Variants in FAM76B observed in about 807,000 individuals in gnomAD.
The protein encoded by FAM76B is protein FAM76B.
FAM76B carries 16 observed loss-of-function variants against 51.8 expected under a neutral mutation model. The ratio of observed to expected loss-of-function variants is 0.31; its 90% CI spans 0.21 to 0.47. The LOEUF is 0.47. FAM76B is among the 20% of genes least tolerant of loss of function. FAM76B has a pLI of 1.00. For synonymous variants in FAM76B, 166 were observed against 129.5 expected, an observed-to-expected ratio of 1.28 and a Z score of -1.91; for missense variants, 342 against 392.6, an observed-to-expected ratio of 0.87 and a Z score of 1.09.
Position 95,788,461 on chromosome 11 carries a change from C to A in FAM76B, c.152+38G>T, listed in dbSNP as rs1337549281. On this transcript the variant is annotated intron_variant, in intron 2 of 9. Transcript: ENST00000358780. ...CCCCAAGTATTCCATAAAGACAACA[C>A]TTGTCTTTAACAGTCAAAAACTATT... The A allele has an allele frequency of 6.2e-6, 9 of 1,452,388 alleles. No individual in the cohort carries two copies. The African/African-American group carries it at 1.1e-4, about 18-fold the overall frequency. The allele number at this position is 1,452,388 out of a possible 1,614,324, so 90.0% of individuals were successfully genotyped here.
rs1263199471 is a variant in FAM76B at position 95,772,309 on chromosome 11, T to G, written c.931-659A>C. On this transcript the variant is annotated intron_variant, in intron 9 of 9. Transcript: ENST00000358780. ...TTCCACATCATCATTTCCTATCTCA[T>G]GAAAGCTTGAATTTTTACAAAGATT... Among the ~76,000 whole-genome samples, 5 of 151,284 alleles carry G rather than the reference T, an allele frequency of 3.3e-5. No homozygotes were observed. In the South Asian group the frequency reaches 1.0e-3, roughly 31 times the overall value.
chr11:95,777,613 T>C (rs1226781287), intron 8 of FAM76B, among the ~76,000 whole-genome samples: 1 of 151,338 alleles, frequency 6.6e-6, no homozygotes, highest in Non-Finnish European at 1.5e-5. Context: ...AAAAGAACCA[T>C]AAGACAAAGA....
chr11:95,787,812 C>A, intron 2 of FAM76B, 134 bp from the exon 3 acceptor site: 1 of 693,406 alleles, frequency 1.4e-6, no homozygotes, highest in African/African-American at 1.8e-5. Context: ...TTCAAATATA[C>A]AAGGATATTT....
chr11:95,783,996 A>G (rs980251457), intron 4 of FAM76B, among the ~76,000 whole-genome samples: 1 of 152,202 alleles, frequency 6.6e-6, no homozygotes, highest in African/African-American at 2.4e-5. Flanking sequence ...CCTAGGCTCA[A>G]GAAGGTTGTA....
chr11:95,782,882 A>G (rs187655532), intron 5 of FAM76B, among the ~76,000 whole-genome samples, 183 bp downstream of exon 5: 66 of 152,326 alleles, frequency 4.3e-4, no homozygotes, highest in Admixed American at 7.8e-4. Flanking sequence ...AGCTCAACAT[A>G]TTTCATGTAT....
At position 95,788,501 on chromosome 11, in the gene FAM76B, C is replaced by A; in HGVS notation, c.150G>T (p.Glu50Asp). 2 of 1,611,436 alleles carry A rather than the reference C, an allele frequency of 1.2e-6. No homozygotes were observed. The highest frequency in any genetic ancestry group is 1.7e-6 in the Non-Finnish European group (2 of 1,178,160). The change falls in exon 2 of 10, where the codon GAG (glutamate) becomes GAT (aspartate). Residue 50 changes from glutamate (E) to aspartate (D), a missense_variant and splice_region_variant. By Grantham distance (45) the Glu-to-Asp change is conservative (BLOSUM62 2). This residue lies in a region of FAM76B where 96 missense variants were observed against 94.7 expected (regional missense o/e 1.01). Transcript: ENST00000358780. ...CAAAAACTATTCAGTATACAAACCT[C>A]TCTTGTTGAAATTCTGATCTGCAGT... The part of the protein sequence containing the change: ...CTYCRSEFQQ[E>D]SKTNTICKKC...
At chr11:95,772,643 C>A (rs983487467) in intron 9 of FAM76B, among the ~76,000 whole-genome samples, 2 of 151,152 alleles carry the variant, frequency 1.3e-5, no homozygotes, top group African/African-American at 4.8e-5. Flanking sequence ...TTTTCCTTCA[C>A]AGGTTCCAGG....
chr11:95,784,352 T>C (rs1396089959), intron 4 of FAM76B, among the ~76,000 whole-genome samples: 2 of 152,152 alleles, frequency 1.3e-5, no homozygotes, highest in East Asian at 1.9e-4. Context: ...GGTTAATACC[T>C]GGGTGATGAA....
intron 4 of FAM76B, among the ~76,000 whole-genome samples, chr11:95,785,794 T>C (rs1860538509): frequency 6.6e-6 from 1 of 152,222 alleles, no homozygotes. Context: ...TCAGGTATTT[T>C]TTTCACACCA....
chr11:95,783,400 A>AT (rs1860383293), intron 4 of FAM76B, 136 bp from the exon 5 acceptor site: 2 of 638,210 alleles, frequency 3.1e-6, no homozygotes, highest in Non-Finnish European at 5.2e-6. Flanking sequence ...ATATTCACGG[A>AT]TTTTCTGCAA....
intron 3 of FAM76B, among the ~76,000 whole-genome samples, chr11:95,787,130 G>T: frequency 6.6e-6 from 1 of 152,118 alleles, no homozygotes; most frequent in South Asian, 2.1e-4. Context: ...ATGTAAAACA[G>T]GTATATAATT....
At chr11:95,773,018 G>C (rs1459340428) in intron 9 of FAM76B, among the ~76,000 whole-genome samples, 1 of 150,474 alleles carries the variant, frequency 6.6e-6, no homozygotes, top group Non-Finnish European at 1.5e-5. Flanking sequence ...CAAATTTTGA[G>C]TCTGCAAATT....
chr11:95,771,762 G>T, intron 9 of FAM76B, 112 bp from the exon 10 acceptor site: 1 of 777,588 alleles, frequency 1.3e-6, no homozygotes. Context: ...TTTCACTAAA[G>T]CACTAACATT....
At chr11:95,776,594 C>A (rs979325986) in intron 8 of FAM76B, among the ~76,000 whole-genome samples, 53 of 151,232 alleles carry the variant, frequency 3.5e-4, no homozygotes, top group African/African-American at 1.3e-3. Context: ...ATACAACTAA[C>A]ACAGAATGAG....
chr11:95,789,215 G>A, intron 1 of FAM76B, 177 bp downstream of exon 1: 2 of 955,732 alleles, frequency 2.1e-6, no homozygotes, highest in Non-Finnish European at 3.0e-6. Flanking sequence ...TTCAGGGTCC[G>A]TTCCCAGCTA....
intron 5 of FAM76B, among the ~76,000 whole-genome samples, chr11:95,781,514 A>C (rs1407249584): frequency 6.6e-6 from 1 of 152,138 alleles, no homozygotes; most frequent in African/African-American, 2.4e-5. Flanking sequence ...TCAAAAAATT[A>C]AGTTGCTGTC....
rs1005489020 is a variant in FAM76B at position 95,783,256 on chromosome 11, T to C, written c.372A>G (p.Gly124=). The change falls in exon 5 of 10, where the codon GGA becomes GGG. Residue 124 remains glycine, a synonymous_variant. Coordinates refer to ENST00000358780, the MANE Select transcript of FAM76B (RefSeq NM_144664.5). ...RKEEGRRKVD[G]KLLCWLCTLS... ...AAGTACAGAGCCAGCATAATAACTTTCCATCAACCTTTTAAGAAAATGTGT... is the reference window on the plus strand; with the variant it reads ...AAGTACAGAGCCAGCATAATAACTTCCCATCAACCTTTTAAGAAAATGTGT... 1 of 1,611,138 alleles carries C rather than the reference T, an allele frequency of 6.2e-7. No homozygotes were observed. The highest frequency in any genetic ancestry group is 8.5e-7 in the Non-Finnish European group (1 of 1,179,172).
At position 95,789,575 on chromosome 11, in the gene FAM76B, T is replaced by A. The variant is rs988914604; in HGVS notation, c.-97A>T. ...CGCCGCCCGGGCCGCGGGCTCCTCCTCCTCCCCCTCCCCCTGCCTCGCGCC... is the reference window on the plus strand; with the variant it reads ...CGCCGCCCGGGCCGCGGGCTCCTCCACCTCCCCCTCCCCCTGCCTCGCGCC... On this transcript the variant is annotated 5_prime_UTR_variant, in exon 1 of 10. Transcript: ENST00000358780. 8 of 1,073,654 alleles carry A rather than the reference T, an allele frequency of 7.5e-6. No individual in the cohort carries two copies. Among genetic ancestry groups the A allele is most frequent in the East Asian group, 5.7e-5 (2 of 34,830 alleles). 66.5% of individuals were successfully genotyped at this position (1,073,654 alleles called of 1,614,324 possible). A position where few individuals can be genotyped will look rare whatever the true frequency, so the allele number is the denominator to read the frequency against.
intron 9 of FAM76B, among the ~76,000 whole-genome samples, chr11:95,772,331 G>A (rs2120175705): frequency 6.6e-6 from 1 of 151,130 alleles, no homozygotes; most frequent in Non-Finnish European, 1.5e-5. Flanking sequence ...TTTTTACAAA[G>A]ATTCAAAATT....
Sources: gnomAD v4.1 joint callset for allele counts (sites outside exome capture counted in the v4.1 genomes callset) on GRCh38, gnomAD v4.1.1 for gene constraint, gnomAD v4.1.1 regional missense constraint, MANE v1.5 for transcripts, NCBI Gene and HGNC (gene_info 2026-07-23, HGNC 2026-07-21) for gene names.